The following SATB1 variants were observed in gnomAD, a reference collection of about 807,000 sequenced individuals.
SATB1 encodes the protein DNA-binding protein SATB1.
In SATB1, 11 loss-of-function variants were observed where a neutral mutation model predicts 86.9. The ratio of observed to expected loss-of-function variants is 0.13; its 90% CI spans 0.08 to 0.21. The LOEUF (loss-of-function observed/expected upper bound fraction) is 0.21, where lower values mean the gene tolerates loss of function less well. SATB1 is among the 10% of genes least tolerant of loss of function. The pLI is 1.00. For synonymous variants in SATB1, 357 were observed against 357.2 expected, an observed-to-expected ratio of 1.00 and a Z score of 0.01; for missense variants, 551 against 937.6, an observed-to-expected ratio of 0.59 and a Z score of 5.39.
chr3:18,407,438 T>C (rs1697597649), intron 5 of SATB1, among the ~76,000 whole-genome samples: 1 of 152,058 alleles, frequency 6.6e-6, no homozygotes, highest in Non-Finnish European at 1.5e-5. Flanking sequence ...ACATAGACCA[T>C]GTGGCATGCA....
intron 5 of SATB1, among the ~76,000 whole-genome samples, chr3:18,411,541 T>C (rs1040509579): frequency 1.3e-5 from 2 of 151,932 alleles, no homozygotes; most frequent in Admixed American, 6.6e-5. Context: ...TTATTATAAA[T>C]AAAAATGTTT....
chr3:18,359,926 G>C, intron 9 of SATB1, among the ~76,000 whole-genome samples: 1 of 151,622 alleles, frequency 6.6e-6, no homozygotes, highest in East Asian at 1.9e-4. Flanking sequence ...CTATTGACTT[G>C]TCAGAACTGG....
chr3:18,403,567 A>G (rs1047288410), intron 5 of SATB1, among the ~76,000 whole-genome samples: 3 of 152,118 alleles, frequency 2.0e-5, no homozygotes, highest in African/African-American at 7.2e-5. Flanking sequence ...CTTTAAATGA[A>G]AGCACATCAT....
intron 2 of SATB1, among the ~76,000 whole-genome samples, chr3:18,431,516 A>C: frequency 6.6e-6 from 1 of 152,228 alleles, no homozygotes; most frequent in Non-Finnish European, 1.5e-5. Flanking sequence ...CCAGATGTCC[A>C]GGCTGAACCC....
rs759569874 is a variant in SATB1, at chr3:18,420,942, T to C, written c.26A>G (p.Gln9Arg). 5 of 1,614,076 alleles carry C rather than the reference T, an allele frequency of 3.1e-6. No homozygotes were observed. The highest frequency in any genetic ancestry group is 8.5e-7 in the Non-Finnish European group (1 of 1,180,024). The change falls in exon 2 of 11, where the codon CAG (glutamine) becomes CGG (arginine). Residue 9 changes from glutamine (Q) to arginine (R), a missense_variant. Gln to Arg is a conservative substitution (Grantham distance 43). Around this residue, in one of 8 missense-constraint regions of SATB1, gnomAD observed 153 missense variants for 258.1 expected, o/e 0.59. Coordinates refer to ENST00000338745, the MANE Select transcript of SATB1 (RefSeq NM_002971.6). ...AGACATTTCTGAATGTTCTTTCCCCTGAGTTGCCTCGTTCAAATGATCCAT... is the reference window on the plus strand; with the variant it reads ...AGACATTTCTGAATGTTCTTTCCCCCGAGTTGCCTCGTTCAAATGATCCAT... MDHLNEAT[Q>R]GKEHSEMSNN...
intron 5 of SATB1, among the ~76,000 whole-genome samples, chr3:18,398,432 G>GAAAT (rs1381447947): frequency 1.3e-5 from 2 of 152,152 alleles, no homozygotes; most frequent in East Asian, 3.9e-4. Context: ...GGTCTATGGT[G>GAAAT]AAATAATTTA....
intron 5 of SATB1, among the ~76,000 whole-genome samples, chr3:18,410,001 G>A (rs1394476981): frequency 2.0e-5 from 3 of 151,996 alleles, no homozygotes; most frequent in African/African-American, 7.2e-5. Flanking sequence ...CTGGTCTTGA[G>A]AATATGAAAG....
At chr3:18,350,356 G>C (rs193023332) in intron 10 of SATB1, 4 of 152,394 alleles carry the variant, frequency 2.6e-5, no homozygotes, top group African/African-American at 7.2e-5. Flanking sequence ...GACAGCTAGC[G>C]AATTGTTTTG....
chr3:18,358,006 G>T (rs927598378), intron 9 of SATB1, among the ~76,000 whole-genome samples: 1 of 151,856 alleles, frequency 6.6e-6, no homozygotes, highest in Non-Finnish European at 1.5e-5. Flanking sequence ...AATACTGAAA[G>T]CATTTTAAAT....
intron 5 of SATB1, among the ~76,000 whole-genome samples, chr3:18,408,366 C>T (rs1207376221): frequency 2.0e-5 from 3 of 152,030 alleles, no homozygotes; most frequent in Non-Finnish European, 2.9e-5. Flanking sequence ...TAGCGCCCTT[C>T]ATGCAAGCAT....
intron 5 of SATB1, among the ~76,000 whole-genome samples, chr3:18,398,605 T>C (rs974969885): frequency 3.3e-5 from 5 of 152,214 alleles, no homozygotes; most frequent in African/African-American, 1.2e-4. Context: ...TTCTGTAGCA[T>C]GCACACATTT....
intron 9 of SATB1, among the ~76,000 whole-genome samples, chr3:18,362,716 T>C (rs1452016259): frequency 6.6e-6 from 1 of 151,830 alleles, no homozygotes; most frequent in Non-Finnish European, 1.5e-5. Context: ...CAAATGAGTA[T>C]GTGCTCTCAT....
chr3:18,415,701 A>C (rs1002353290), intron 4 of SATB1, among the ~76,000 whole-genome samples: 1 of 152,102 alleles, frequency 6.6e-6, no homozygotes, highest in African/African-American at 2.4e-5. Flanking sequence ...TTTTTTTCTT[A>C]AGTAAACTTT....
At chr3:18,403,187 T>C (rs562159941) in intron 5 of SATB1, among the ~76,000 whole-genome samples, 3 of 152,256 alleles carry the variant, frequency 2.0e-5, no homozygotes, top group South Asian at 2.1e-4. Context: ...TAAAGACAGA[T>C]GTCAAAAACT....
intron 8 of SATB1, among the ~76,000 whole-genome samples, chr3:18,381,164 G>A (rs555493097): frequency 6.6e-6 from 1 of 152,286 alleles, no homozygotes; most frequent in South Asian, 2.1e-4. Context: ...CACTAAAATT[G>A]TGCCGCAGGA....
rs1301589442 is a variant in SATB1 at position 18,444,040 on chromosome 3, C to G, written c.-25+1478G>C. On this transcript the variant is annotated intron_variant, in intron 1 of 3. Coordinates refer to the SATB1 transcript ENST00000415069. The surrounding 1 kb of genome is among the most constrained non-coding windows in gnomAD (Gnocchi z 5.1). Reference sequence around the variant, plus strand: ...ACAAACTTCCCAGGCCCCTCTTCGCCGATGCTTACAATCAGCCGCGCAGGC... The same window carrying G: ...ACAAACTTCCCAGGCCCCTCTTCGCGGATGCTTACAATCAGCCGCGCAGGC... Among the ~76,000 whole-genome samples, 2 of 152,122 alleles carry G rather than the reference C, an allele frequency of 1.3e-5. No homozygotes were observed. Among genetic ancestry groups the G allele is most frequent in the Non-Finnish European group, 2.9e-5 (2 of 68,022 alleles).
intron 5 of SATB1, among the ~76,000 whole-genome samples, chr3:18,407,922 C>G (rs183739843): frequency 1.3e-5 from 2 of 152,120 alleles, no homozygotes; most frequent in Admixed American, 6.6e-5. Context: ...CATTTCTGAA[C>G]TTCCTTGGAA....
At chr3:18,431,306 G>A (rs1393884070) in intron 2 of SATB1, among the ~76,000 whole-genome samples, 7 of 152,036 alleles carry the variant, frequency 4.6e-5, no homozygotes, top group South Asian at 2.1e-4. Flanking sequence ...TTGTCAGTCC[G>A]AAGCCTTCTC....
chr3:18,444,723 T>TGCC lies in SATB1; in HGVS notation c.-25+792_-25+794dup, dbSNP rs1034018060. The TGCC allele has an allele frequency of 2.0e-4, 176 of 879,144 alleles. No individual in the cohort carries two copies. The highest frequency in any genetic ancestry group is 1.9e-3 in the East Asian group (15 of 8,086). The allele number at this position is 879,144 out of a possible 1,614,324, so 54.5% of individuals were successfully genotyped here. On this transcript the variant is annotated intron_variant, in intron 1 of 3. Coordinates refer to the SATB1 transcript ENST00000415069. This position sits in a 1 kb window ranked among gnomAD's most constrained non-coding sequence, Gnocchi z 5.1. ...CCGAGGCGGCGGCTTCTGCCTCTCC[T>TGCC]GCCGCCGCCGCCGCCGCCGGAGCTG...
Sources: gnomAD v4.1 joint callset for allele counts (sites outside exome capture counted in the v4.1 genomes callset) on GRCh38, gnomAD v4.1.1 for gene constraint, gnomAD v4.1.1 regional missense constraint, Gnocchi (gnomAD v3.1) non-coding constraint, MANE v1.5 for transcripts, NCBI Gene and HGNC (gene_info 2026-07-23, HGNC 2026-07-21) for gene names.